The following ABCA3 variants were observed in gnomAD, a reference collection of about 807,000 sequenced individuals.
ABCA3 encodes phospholipid-transporting ATPase ABCA3.
Under a neutral mutation model 172.8 loss-of-function variants are expected in ABCA3, and 88 were observed. The ratio of observed to expected loss-of-function variants is 0.51; its 90% CI spans 0.43 to 0.61. The LOEUF is 0.61. ABCA3 is among the 20% of genes least tolerant of loss of function. The pLI is 0.00. For missense variants in ABCA3, 2,164 were observed against 2,301.0 expected, an observed-to-expected ratio of 0.94 and a Z score of 1.22; for synonymous variants, 1,066 against 983.8, an observed-to-expected ratio of 1.08 and a Z score of -1.56.
intron 10 of ABCA3, 93 bp downstream of exon 10, chr16:2,317,190 A>T: frequency 6.3e-7 from 1 of 1,578,180 alleles, no homozygotes; most frequent in Non-Finnish European, 8.6e-7. Context: ...CCACCAGGCC[A>T]CTCTCCCTTC....
rs185449958 is a variant in ABCA3, at chr16:2,276,429, G to A, written c.*245C>T. On this transcript the variant is annotated 3_prime_UTR_variant, in exon 33 of 33. Coordinates refer to ENST00000301732, the MANE Select transcript of ABCA3 (RefSeq NM_001089.3). ...CCCGGAGCTTGCCCGCAGACTGCCC[G>A]GCCTGCCCCAGCTCTGGGAAAGTGA... 4.4e-5 allele frequency: 31 copies of A among 711,238 alleles called. No individual in the cohort carries two copies. The highest frequency in any genetic ancestry group is 3.5e-4 in the African/African-American group (20 of 56,852). 44.1% of individuals were successfully genotyped at this position (711,238 alleles called of 1,614,324 possible). A position where few individuals can be genotyped will look rare whatever the true frequency, so the allele number is the denominator to read the frequency against.
chr16:2,282,032 C>T lies in ABCA3; in HGVS notation c.4036-523G>A, dbSNP rs532460402. 7.2e-5 allele frequency among the ~76,000 whole-genome samples: 11 copies of T among 152,232 alleles called. No homozygotes were observed. The South Asian group carries it at 1.0e-3, about 14-fold the overall frequency. On this transcript the variant is annotated intron_variant, in intron 26 of 32. Transcript: ENST00000301732. ...CTAGAACTCCTGACCTTTGGTGATC[C>T]GTCCACCTTGGCCTCCCAAAGTGTT...
chr16:2,306,395 A>C (rs1334318504), intron 11 of ABCA3, among the ~76,000 whole-genome samples: 1 of 152,246 alleles, frequency 6.6e-6, no homozygotes, highest in Non-Finnish European at 1.5e-5. Context: ...GTAAACATGG[A>C]AACACAGATA....
chr16:2,295,881 G>A, intron 17 of ABCA3, 141 bp from the exon 18 acceptor site: 2 of 1,158,890 alleles, frequency 1.7e-6, no homozygotes, highest in Non-Finnish European at 2.5e-6. Context: ...GAAGCAGAAT[G>A]AATGTGTCTT....
At chr16:2,302,101 TA>T (rs1305777806) in intron 12 of ABCA3, among the ~76,000 whole-genome samples, 1 of 152,272 alleles carries the variant, frequency 6.6e-6, no homozygotes, top group Non-Finnish European at 1.5e-5. Context: ...TACTTTTAGT[TA>T]ATGGAATATC....
Position 2,300,095 on chromosome 16 carries a change from GTCT to G in ABCA3, c.1518_1520del (p.Glu506del), listed in dbSNP as rs753365218. The G allele has an allele frequency of 1.9e-6, 3 of 1,613,480 alleles. No individual in the cohort carries two copies. On this transcript the variant is annotated inframe_deletion, in exon 13 of 33. Transcript: ENST00000301732. ...TTCTGAGTGCTTTCTCGGGGTCACT[GTCT>G]TCTTCCTCCTTCCCTGCAACCGCCC...
Position 2,285,338 on chromosome 16 carries a change from G to A in ABCA3, c.3483+104C>T. On this transcript the variant is annotated intron_variant, in intron 23 of 32. Coordinates refer to ENST00000301732, the MANE Select transcript of ABCA3 (RefSeq NM_001089.3). The surrounding 1 kb of genome is among the most constrained non-coding windows in gnomAD (Gnocchi z 4.7). Reference sequence around the variant, plus strand: ...TGTCCTCCCTGAGTCGGGCCGAGCTGCCGGCCTAGGGGCTGCCCAGCTGGT... The same window carrying A: ...TGTCCTCCCTGAGTCGGGCCGAGCTACCGGCCTAGGGGCTGCCCAGCTGGT... 1 of 1,396,640 alleles carries A rather than the reference G, an allele frequency of 7.2e-7. No homozygotes were observed. Among genetic ancestry groups the A allele is most frequent in the Non-Finnish European group, 9.8e-7 (1 of 1,016,398 alleles). 86.5% of individuals were successfully genotyped at this position (1,396,640 alleles called of 1,614,324 possible).
intron 20 of ABCA3, 124 bp from the exon 21 acceptor site, chr16:2,288,453 C>G (rs566819552): frequency 5.1e-6 from 6 of 1,173,276 alleles, no homozygotes; most frequent in Non-Finnish European, 7.1e-6. Flanking sequence ...GAGGTTGCAC[C>G]GGAGACTCCC....
At chr16:2,288,877 A>G (rs575103456) in intron 20 of ABCA3, among the ~76,000 whole-genome samples, 1 of 152,178 alleles carries the variant, frequency 6.6e-6, no homozygotes, top group South Asian at 2.1e-4. Context: ...AGGACAGTAG[A>G]GGACCAGCTG....
Position 2,292,204 on chromosome 16 carries a change from GCTT to G in ABCA3, c.2446_2448del (p.Lys816del), listed in dbSNP as rs2093673151. 1 of 1,613,952 alleles carries G rather than the reference GCTT, an allele frequency of 6.2e-7. No individual in the cohort carries two copies. ...AAGCTGGCAATGCCCAGCTCTTTCT[GCTT>G]CTTCTCCAGTTTAGCAAAGAGACCT... On this transcript the variant is annotated inframe_deletion, in exon 19 of 33. Coordinates refer to ENST00000301732, the MANE Select transcript of ABCA3 (RefSeq NM_001089.3).
At chr16:2,311,262 G>A (rs987653931) in intron 10 of ABCA3, among the ~76,000 whole-genome samples, 1 of 152,042 alleles carries the variant, frequency 6.6e-6, no homozygotes, top group African/African-American at 2.4e-5. Flanking sequence ...GTGAGCCACC[G>A]CGCCCAGCCC....
rs1419891520 is a variant in ABCA3, at chr16:2,286,416, G to A, written c.3278+278C>T. 6.6e-6 allele frequency among the ~76,000 whole-genome samples: 1 copy of A among 151,500 alleles called. No individual in the cohort carries two copies. The highest frequency in any genetic ancestry group is 2.4e-5 in the African/African-American group (1 of 41,110). On this transcript the variant is annotated intron_variant, in intron 22 of 32. Transcript: ENST00000301732. The surrounding 1 kb of genome is among the most constrained non-coding windows in gnomAD (Gnocchi z 5.2). ...TGTGGAGCGAGGACAGTGGCTGACA[G>A]GAGCCAGGTAGATTTAGGAGGAGAA...
chr16:2,306,385 GTAAA>G (rs2093697619), intron 11 of ABCA3, among the ~76,000 whole-genome samples: 1 of 152,136 alleles, frequency 6.6e-6, no homozygotes, highest in Non-Finnish European at 1.5e-5. Context: ...CAACACACGA[GTAAA>G]CATGGAAACA....
At chr16:2,299,661 G>A (rs2093685868) in intron 13 of ABCA3, 129 bp from the exon 14 acceptor site, 3 of 1,459,072 alleles carry the variant, frequency 2.1e-6, no homozygotes, top group Non-Finnish European at 2.8e-6. Context: ...TGTGCAGAGG[G>A]GAGGGACGTT....
chr16:2,282,465 C>A (rs931365607), intron 26 of ABCA3, among the ~76,000 whole-genome samples: 8 of 152,340 alleles, frequency 5.3e-5, no homozygotes, highest in Non-Finnish European at 1.0e-4. Flanking sequence ...GAAGTGAATT[C>A]CCCCTCGGCT....
intron 8 of ABCA3, among the ~76,000 whole-genome samples, chr16:2,318,620 C>T (rs1024195980): frequency 2.0e-5 from 3 of 151,562 alleles, no homozygotes; most frequent in Non-Finnish European, 2.9e-5. Context: ...TCAAGAAATT[C>T]TCGTGCCTCA....
chr16:2,331,602 C>T (rs1182606172), intron 1 of ABCA3, among the ~76,000 whole-genome samples: 3 of 152,226 alleles, frequency 2.0e-5, no homozygotes, highest in Non-Finnish European at 4.4e-5. Flanking sequence ...TGTTCTGTTT[C>T]AGCAAAAGGA....
At position 2,283,222 on chromosome 16, in the gene ABCA3, CCT is replaced by C. The variant is rs2093657764; in HGVS notation, c.3997_3998del (p.Arg1333GlyfsTer24). The C allele has an allele frequency of 1.2e-6, 2 of 1,613,364 alleles. No homozygotes were observed. The highest frequency in any genetic ancestry group is 1.7e-6 in the Non-Finnish European group (2 of 1,179,988). ...LIETNLLQRL[R>X]GILCALRRRR... is the part of the protein sequence containing the mutation. ...TCCTCCGGAGGGCGCAGAGGATGCCCCTGAGTCTCTGAAGCAGGTTGGTCTCG... is the reference window on the plus strand; with the variant it reads ...TCCTCCGGAGGGCGCAGAGGATGCCCGAGTCTCTGAAGCAGGTTGGTCTCG... On this transcript the variant is annotated frameshift_variant, in exon 26 of 33. Transcript: ENST00000301732. LOFTEE classifies it high-confidence loss of function. This position sits in a 1 kb window ranked among gnomAD's most constrained non-coding sequence, Gnocchi z 5.4.
At position 2,317,433 on chromosome 16, in the gene ABCA3, G is replaced by A. The variant is rs745849073; in HGVS notation, c.991-30C>T. On this transcript the variant is annotated intron_variant, in intron 9 of 32. Transcript: ENST00000301732. ...AGGGCACAGGCATGAGTCGGGCGTG[G>A]TGGGCCGGCAGAGGTGGACCAGGAG... 9 of 1,612,178 alleles carry A rather than the reference G, an allele frequency of 5.6e-6. No individual in the cohort carries two copies. In the African/African-American group the frequency reaches 9.3e-5, roughly 17 times the overall value.
Sources: allele counts gnomAD v4.1 joint callset (sites outside exome capture counted in the v4.1 genomes callset), GRCh38; gene constraint gnomAD v4.1.1; non-coding constraint Gnocchi (gnomAD v3.1); transcripts MANE v1.5; gene names NCBI Gene and HGNC (gene_info 2026-07-23, HGNC 2026-07-21).